Variants in GRIP1 observed in about 807,000 individuals in gnomAD.
GRIP1 encodes the protein glutamate receptor-interacting protein 1.
GRIP1 carries 45 observed loss-of-function variants against 129.9 expected under a neutral mutation model. The ratio of observed to expected loss-of-function variants is 0.35; its 90% CI spans 0.27 to 0.44. The LOEUF is 0.44. Ranked by LOEUF, GRIP1 falls within the 20% of genes least tolerant of loss-of-function variation. The pLI is 1.00. For missense variants in GRIP1, 1,196 were observed against 1,396.8 expected (o/e 0.86, Z 2.29); for synonymous variants, 530 against 520.8 (o/e 1.02, Z -0.24).
intron 1 of GRIP1, among the ~76,000 whole-genome samples, chr12:66,767,363 A>C (rs1407922107): frequency 2.6e-5 from 4 of 152,164 alleles, no homozygotes; most frequent in Admixed American, 2.6e-4. Context: ...TAAGGACAAG[A>C]GGCTTAGGAA....
At chr12:66,472,092 G>T (rs143253165) in intron 7 of GRIP1, among the ~76,000 whole-genome samples, 1 of 152,330 alleles carries the variant, frequency 6.6e-6, no homozygotes, top group African/African-American at 2.4e-5. Flanking sequence ...AGATGAATCA[G>T]CAGCAGCATT....
At chr12:66,814,051 G>C (rs1295597537) in intron 1 of GRIP1, among the ~76,000 whole-genome samples, 1 of 151,798 alleles carries the variant, frequency 6.6e-6, no homozygotes, top group Admixed American at 6.6e-5. Flanking sequence ...CAGGTTTAAG[G>C]GTTGTGCCTT....
At position 66,835,066 on chromosome 12, in the gene GRIP1, C is replaced by T. The variant is rs1482181469; in HGVS notation, c.58+233984G>A. Among the ~76,000 whole-genome samples the T allele has an allele frequency of 2.6e-5, 4 of 151,954 alleles. No individual in the cohort carries two copies. The East Asian group carries it at 7.7e-4, about 29-fold the overall frequency. On this transcript the variant is annotated intron_variant, in intron 1 of 1. Coordinates refer to the GRIP1 transcript ENST00000643019. The stretch of plus-strand genomic sequence containing the variant: ...AGCCACAGACTGGGAAAAATATTTG[C>T]AAAAGACATATCTAATAAAGGATTG...
At chr12:66,729,933 A>C (rs1302183869) in intron 1 of GRIP1, among the ~76,000 whole-genome samples, 2 of 152,202 alleles carry the variant, frequency 1.3e-5, no homozygotes, top group Non-Finnish European at 2.9e-5. Context: ...CTGCTTTACT[A>C]TAGCATATAT....
chr12:66,767,197 C>G (rs146918304), intron 1 of GRIP1, among the ~76,000 whole-genome samples: 2 of 152,176 alleles, frequency 1.3e-5, no homozygotes, highest in African/African-American at 4.8e-5. Context: ...ACTTTGGAAA[C>G]TCAGTTTAAA....
At chr12:66,976,122 G>A (rs1394050016) in intron 1 of GRIP1, among the ~76,000 whole-genome samples, 1 of 152,178 alleles carries the variant, frequency 6.6e-6, no homozygotes, top group Non-Finnish European at 1.5e-5. Flanking sequence ...CACAGAGTAT[G>A]TAGATTTTAA....
intron 1 of GRIP1, among the ~76,000 whole-genome samples, chr12:66,925,890 C>T (rs1318212691): frequency 6.6e-6 from 1 of 152,190 alleles, no homozygotes; most frequent in East Asian, 1.9e-4. Flanking sequence ...GTGATCCACC[C>T]ACCCCGGCCT....
chr12:66,911,321 C>T (rs955989091), intron 1 of GRIP1, among the ~76,000 whole-genome samples: 4 of 152,098 alleles, frequency 2.6e-5, no homozygotes, highest in South Asian at 4.1e-4. Flanking sequence ...TTTTTAAAGG[C>T]GGAAATCTAT....
At chr12:66,634,472 C>G (rs2031156272) in intron 1 of GRIP1, among the ~76,000 whole-genome samples, 1 of 152,178 alleles carries the variant, frequency 6.6e-6, no homozygotes, top group African/African-American at 2.4e-5. Flanking sequence ...TTTCCATTTA[C>G]AGTGCTTCAG....
intron 1 of GRIP1, among the ~76,000 whole-genome samples, chr12:66,672,145 G>C (rs1461163227): frequency 6.6e-6 from 1 of 152,038 alleles, no homozygotes; most frequent in African/African-American, 2.4e-5. Context: ...TCCTCCATTG[G>C]TTTCCATTAT....
intron 11 of GRIP1, among the ~76,000 whole-genome samples, chr12:66,453,792 T>C (rs901560722): frequency 2.0e-5 from 3 of 152,194 alleles, no homozygotes; most frequent in African/African-American, 7.2e-5. Flanking sequence ...TTTACAGAAG[T>C]TGCTCAGGGT....
chr12:66,563,525 G>C (rs942017000), intron 2 of GRIP1: 3 of 156,828 alleles, frequency 1.9e-5, no homozygotes, highest in Non-Finnish European at 4.3e-5. Flanking sequence ...ATGGCAAAGA[G>C]AGACATTGAT....
chr12:66,552,171 GGCTTGAGGTTCCATTGT>G (rs1203766058), intron 2 of GRIP1, among the ~76,000 whole-genome samples: 2 of 152,134 alleles, frequency 1.3e-5, no homozygotes, highest in Non-Finnish European at 2.9e-5. Flanking sequence ...AAGAGGACAA[GGCTTGAGGTTCCATTGT>G]GCCTGAAAGG....
rs570075381 is a variant in GRIP1 at position 66,905,620 on chromosome 12, C to T, written c.58+163430G>A. 1.6e-4 allele frequency among the ~76,000 whole-genome samples: 24 copies of T among 152,262 alleles called. No homozygotes were observed. In the East Asian group the frequency reaches 1.9e-3, roughly 12 times the overall value. On this transcript the variant is annotated intron_variant, in intron 1 of 1. Coordinates refer to the GRIP1 transcript ENST00000643019. Reference sequence around the variant, plus strand: ...GAGCAAGGGGAAAATAACTACACATCGACCCAAAATTTATATAAAGGATTC... The same window carrying T: ...GAGCAAGGGGAAAATAACTACACATTGACCCAAAATTTATATAAAGGATTC...
chr12:66,764,631 T>C (rs993313701), intron 1 of GRIP1, among the ~76,000 whole-genome samples: 24 of 152,340 alleles, frequency 1.6e-4, no homozygotes, highest in Admixed American at 1.3e-3. Flanking sequence ...GAAGCCTTTA[T>C]ATTTATTAAG....
At chr12:66,935,486 G>A (rs2041468433) in intron 1 of GRIP1, among the ~76,000 whole-genome samples, 1 of 152,124 alleles carries the variant, frequency 6.6e-6, no homozygotes, top group African/African-American at 2.4e-5. Flanking sequence ...CTTTGAGTCA[G>A]GTGATATTAG....
At chr12:66,846,076 A>G (rs1205684446) in intron 1 of GRIP1, among the ~76,000 whole-genome samples, 1 of 152,116 alleles carries the variant, frequency 6.6e-6, no homozygotes, top group African/African-American at 2.4e-5. Context: ...CAATGCTCAC[A>G]TCTCCCTCCC....
At chr12:66,666,374 C>T (rs2033797105) in intron 1 of GRIP1, among the ~76,000 whole-genome samples, 1 of 152,142 alleles carries the variant, frequency 6.6e-6, no homozygotes, top group Non-Finnish European at 1.5e-5. Context: ...ACACATTTTA[C>T]ATTGCTTCAT....
chr12:66,977,477 C>A (rs2042170921), intron 1 of GRIP1, among the ~76,000 whole-genome samples: 2 of 152,094 alleles, frequency 1.3e-5, no homozygotes, highest in South Asian at 4.2e-4. Context: ...ATGATGAACA[C>A]AAAATGAACA....
Sources: gnomAD v4.1 joint callset for allele counts (sites outside exome capture counted in the v4.1 genomes callset) on GRCh38, gnomAD v4.1.1 for gene constraint, MANE v1.5 for transcripts, NCBI Gene and HGNC (gene_info 2026-07-23, HGNC 2026-07-21) for gene names.